Variants in TNFAIP8 observed in about 807,000 individuals in gnomAD.
The protein encoded by TNFAIP8 is tumor necrosis factor alpha-induced protein 8.
TNFAIP8 carries 7 observed loss-of-function variants against 13.3 expected under a neutral mutation model. That is an observed-to-expected ratio of 0.52 (90% CI 0.30 to 0.99). TNFAIP8 has a LOEUF of 0.99. Ranked by LOEUF, TNFAIP8 falls within the 50% of genes least tolerant of loss-of-function variation. The pLI is 0.07. For missense variants in TNFAIP8, 258 were observed against 236.9 expected, an observed-to-expected ratio of 1.09 and a Z score of -0.58; for synonymous variants, 94 against 87.6, an observed-to-expected ratio of 1.07 and a Z score of -0.41.
chr5:119,323,343 G>A (rs960211447), intron 1 of TNFAIP8, among the ~76,000 whole-genome samples: 11 of 152,036 alleles, frequency 7.2e-5, no homozygotes, highest in African/African-American at 2.7e-4. Context: ...GCATTTCTTG[G>A]AGTTTCTCGG....
chr5:119,283,483 T>C (rs1440054518), intron 1 of TNFAIP8, among the ~76,000 whole-genome samples: 2 of 152,062 alleles, frequency 1.3e-5, no homozygotes, highest in Non-Finnish European at 2.9e-5. Context: ...TAAAAAAAAG[T>C]AATGGAATAA....
intron 1 of TNFAIP8, among the ~76,000 whole-genome samples, chr5:119,285,188 T>C (rs1238031901): frequency 6.6e-6 from 1 of 152,158 alleles, no homozygotes; most frequent in Non-Finnish European, 1.5e-5. Flanking sequence ...GCAGACTGGG[T>C]ATATAATATT....
At chr5:119,384,728 A>G (rs1329884343) in intron 1 of TNFAIP8, among the ~76,000 whole-genome samples, 4 of 152,174 alleles carry the variant, frequency 2.6e-5, no homozygotes, top group Non-Finnish European at 5.9e-5. Context: ...AGGTCCAACC[A>G]TACTGCTTTA....
At chr5:119,275,961 T>C (rs1288496335) in intron 1 of TNFAIP8, among the ~76,000 whole-genome samples, 2 of 152,104 alleles carry the variant, frequency 1.3e-5, no homozygotes, top group Non-Finnish European at 2.9e-5. Flanking sequence ...CACCAGGGCC[T>C]TTCAGCCTTA....
At chr5:119,389,722 A>C (rs1752822226) in intron 1 of TNFAIP8, among the ~76,000 whole-genome samples, 1 of 152,196 alleles carries the variant, frequency 6.6e-6, no homozygotes, top group African/African-American at 2.4e-5. Flanking sequence ...GAGGGGAACA[A>C]GGAGCTTCAA....
intron 1 of TNFAIP8, among the ~76,000 whole-genome samples, chr5:119,301,728 A>G (rs1015447631): frequency 6.6e-6 from 1 of 152,240 alleles, no homozygotes; most frequent in Non-Finnish European, 1.5e-5. Flanking sequence ...AGTCATCTTT[A>G]TGTGAAAAAA....
chr5:119,351,793 T>TC (rs1333241503), upstream of TNFAIP8, among the ~76,000 whole-genome samples: 325 of 133,592 alleles, frequency 2.4e-3, 2 homozygotes, highest in African/African-American at 8.3e-3. Context: ...TTTTTCTTTT[T>TC]TTCTTTTTTT....
At chr5:119,290,793 A>G (rs923119346) in intron 1 of TNFAIP8, among the ~76,000 whole-genome samples, 4 of 152,108 alleles carry the variant, frequency 2.6e-5, no homozygotes, top group Non-Finnish European at 5.9e-5. Context: ...AGGTTGAGGG[A>G]AAGGGTGTTG....
chr5:119,327,521 C>T lies in TNFAIP8; in HGVS notation c.1+58614C>T, dbSNP rs182553125. 4.7e-3 allele frequency among the ~76,000 whole-genome samples: 714 copies of T among 152,250 alleles called. 6 individuals are homozygous for T. The highest frequency in any genetic ancestry group is 0.017 in the African/African-American group (696 of 41,548). ...TTACCCAGGCTAGAGTGCAGTGGCG[C>T]GATCTCTGCTCACTGCAACCTCTGC... On this transcript the variant is annotated intron_variant, in intron 1 of 1. Transcript: ENST00000274456.
At chr5:119,338,708 G>A (rs1297149728) in intron 1 of TNFAIP8, among the ~76,000 whole-genome samples, 2 of 152,188 alleles carry the variant, frequency 1.3e-5, no homozygotes, top group East Asian at 1.9e-4. Context: ...TGTTACATCC[G>A]TTGTGGCTTT....
intron 1 of TNFAIP8, among the ~76,000 whole-genome samples, chr5:119,339,855 G>C (rs1340813915): frequency 6.6e-6 from 1 of 152,154 alleles, no homozygotes; most frequent in East Asian, 1.9e-4. Context: ...TCATAACTAT[G>C]ACCTTAATCA....
chr5:119,275,098 C>T (rs1050859350), intron 1 of TNFAIP8, among the ~76,000 whole-genome samples: 2 of 149,204 alleles, frequency 1.3e-5, no homozygotes, highest in African/African-American at 4.9e-5. Context: ...ATGAACACAA[C>T]ATATAAAATA....
chr5:119,293,276 A>G (rs1199055063), intron 1 of TNFAIP8, among the ~76,000 whole-genome samples: 1 of 152,132 alleles, frequency 6.6e-6, no homozygotes, highest in East Asian at 1.9e-4. Context: ...AACTGCTGCT[A>G]CTGTGATGTA....
intron 1 of TNFAIP8, among the ~76,000 whole-genome samples, chr5:119,285,518 A>G (rs1338750387): frequency 6.6e-6 from 1 of 152,200 alleles, no homozygotes; most frequent in African/African-American, 2.4e-5. Context: ...CCAGAACTAC[A>G]AAATGTTGCC....
intron 1 of TNFAIP8, among the ~76,000 whole-genome samples, chr5:119,305,226 G>C (rs1749514682): frequency 6.6e-6 from 1 of 152,074 alleles, no homozygotes; most frequent in South Asian, 2.1e-4. Context: ...TCATTTTCGG[G>C]CTTTCTTCCC....
chr5:119,350,396 C>T (rs1428139599), intron 1 of TNFAIP8, among the ~76,000 whole-genome samples: 4 of 152,178 alleles, frequency 2.6e-5, no homozygotes, highest in African/African-American at 9.7e-5. Flanking sequence ...TTATATGAGA[C>T]TTGAGCATCT....
At position 119,393,214 on chromosome 5, in the gene TNFAIP8, C is replaced by T. The variant is rs778892203; in HGVS notation, c.430C>T (p.Gln144Ter). The T allele has an allele frequency of 1.2e-6, 2 of 1,614,018 alleles. No homozygotes were observed. Among genetic ancestry groups the T allele is most frequent in the Non-Finnish European group, 1.7e-6 (2 of 1,179,882 alleles). The stretch of plus-strand genomic sequence containing the variant: ...CAGAGAGATGCTGCACCAAATCATT[C>T]AGCGCCACCTCACTGCCAAGTCACA... Reference protein sequence around the residue: ...ECREMLHQIIQRHLTAKSHGR... With the variant: ...ECREMLHQII Residue 144 changes from glutamine to a stop codon, truncating the protein, a stop_gained, in exon 2 of 2, where the codon CAG (glutamine) becomes TAG (stop). Transcript: ENST00000504771. LOFTEE classifies it high-confidence loss of function.
chr5:119,364,081 G>A (rs1373634118), intron 1 of TNFAIP8, among the ~76,000 whole-genome samples: 1 of 152,186 alleles, frequency 6.6e-6, no homozygotes, highest in Non-Finnish European at 1.5e-5. Context: ...GTGGGATGAA[G>A]TCATTGGCCA....
At chr5:119,306,002 C>T (rs1051640678) in intron 1 of TNFAIP8, among the ~76,000 whole-genome samples, 1 of 152,162 alleles carries the variant, frequency 6.6e-6, no homozygotes, top group East Asian at 1.9e-4. Flanking sequence ...GGACTGCCTG[C>T]GCCGCCCTGC....
Sources: allele counts gnomAD v4.1 joint callset (sites outside exome capture counted in the v4.1 genomes callset), GRCh38; gene constraint gnomAD v4.1.1; transcripts MANE v1.5; gene names NCBI Gene and HGNC (gene_info 2026-07-23, HGNC 2026-07-21).